Variants in CABP1 observed in about 807,000 individuals in gnomAD.
The protein encoded by CABP1 is calcium-binding protein 1.
A neutral mutation model predicts 34.3 loss-of-function variants in CABP1; 17 were observed. That is an observed-to-expected ratio of 0.50 (90% CI 0.34 to 0.74). The LOEUF (loss-of-function observed/expected upper bound fraction) is 0.74. CABP1 is among the 30% of genes least tolerant of loss of function. CABP1 has a pLI of 0.01. For missense variants in CABP1, 373 were observed against 511.1 expected (o/e 0.73, Z 2.61); for synonymous variants, 198 against 229.2 (o/e 0.86, Z 1.23).
At chr12:120,666,417 T>G (rs1363179740) in intron 5 of CABP1, among the ~76,000 whole-genome samples, 1 of 139,040 alleles carries the variant, frequency 7.2e-6, no homozygotes, top group African/African-American at 2.7e-5. Flanking sequence ...GAGGCTTCAG[T>G]GAGCTGAGAT....
chr12:120,645,544 G>A (rs1879506744), intron 1 of CABP1, among the ~76,000 whole-genome samples: 1 of 152,074 alleles, frequency 6.6e-6, no homozygotes, highest in African/African-American at 2.4e-5. Context: ...AATGAGGAAG[G>A]CTTGGCCAGG....
the CABP1 span, among the ~76,000 whole-genome samples, chr12:120,676,521 G>A: frequency 2.0e-5 from 3 of 151,840 alleles, no homozygotes; most frequent in African/African-American, 7.3e-5. Context: ...TCCGCCTCCC[G>A]GGTTGAAGCG....
intron 1 of CABP1, among the ~76,000 whole-genome samples, chr12:120,643,323 C>A (rs537252985): frequency 2.6e-5 from 4 of 152,298 alleles, no homozygotes; most frequent in South Asian, 2.1e-4. Context: ...AACAGCAAAC[C>A]CAGGCTGGGA....
intron 1 of CABP1, chr12:120,650,701 C>T: frequency 6.2e-7 from 1 of 1,612,818 alleles, no homozygotes; most frequent in Non-Finnish European, 8.5e-7. Context: ...TTGGAGTTTC[C>T]AAGATCTGGG....
At chr12:120,666,739 A>T in intron 5 of CABP1, 136 bp from the exon 6 acceptor site, 1 of 913,166 alleles carries the variant, frequency 1.1e-6, no homozygotes, top group Non-Finnish European at 1.7e-6. Flanking sequence ...TGCTGTGTCC[A>T]TGGATTGGAG....
At chr12:120,669,753 G>GA (rs11300854), downstream of CABP1, among the ~76,000 whole-genome samples, 128 of 141,744 alleles carry the variant, frequency 9.0e-4, 1 homozygote, top group Middle Eastern at 3.6e-3. Context: ...GACTCTGTCT[G>GA]AAAAAAAAAA....
the CABP1 span, among the ~76,000 whole-genome samples, chr12:120,677,313 C>G: frequency 5.3e-5 from 8 of 151,516 alleles, no homozygotes; most frequent in Non-Finnish European, 1.2e-4. Context: ...GTCTTGAACT[C>G]CTGACCTCAA....
downstream of CABP1, among the ~76,000 whole-genome samples, chr12:120,669,103 G>A (rs552499924): frequency 1.3e-5 from 2 of 152,258 alleles, no homozygotes; most frequent in African/African-American, 4.8e-5. Context: ...CGGGGTTGAT[G>A]GCTGGGGGTG....
At chr12:120,663,972 A>G (rs546772645) in intron 5 of CABP1, among the ~76,000 whole-genome samples, 3 of 152,376 alleles carry the variant, frequency 2.0e-5, no homozygotes, top group African/African-American at 7.2e-5. Context: ...GTGAGTGTCC[A>G]GAACACAAAG....
downstream of CABP1, among the ~76,000 whole-genome samples, chr12:120,671,275 C>T (rs537418125): frequency 1.2e-4 from 19 of 152,226 alleles, no homozygotes; most frequent in Non-Finnish European, 2.2e-4. Flanking sequence ...CATGGTGGTG[C>T]GCGCCTGCAA....
At chr12:120,677,571 A>AT in the CABP1 span, among the ~76,000 whole-genome samples, 1 of 150,346 alleles carries the variant, frequency 6.7e-6, no homozygotes, top group Non-Finnish European at 1.5e-5. Flanking sequence ...TATTGTTTTT[A>AT]TTTTTTGTAG....
In CABP1 at chr12:120,649,321, C is replaced by G. The variant is rs150807421; in HGVS notation, c.654+7982C>G. 1.7e-3 allele frequency among the ~76,000 whole-genome samples: 253 copies of G among 152,306 alleles called. 1 individual carries two copies. Among genetic ancestry groups the G allele is most frequent in the African/African-American group, 5.9e-3 (244 of 41,560 alleles). On this transcript the variant is annotated intron_variant, in intron 1 of 5. Transcript: ENST00000316803. Reference sequence around the variant, plus strand: ...CTCTCCGGGCTGAAAACTGAGCTAGCGTGCAAGAATGGGCTTGGGAGGAGT... The same window carrying G: ...CTCTCCGGGCTGAAAACTGAGCTAGGGTGCAAGAATGGGCTTGGGAGGAGT...
intron 1 of CABP1, chr12:120,655,764 T>C: frequency 6.8e-7 from 1 of 1,479,036 alleles, no homozygotes; most frequent in South Asian, 1.3e-5. Context: ...AGCCCCCCGC[T>C]GCCCCTGTCT....
intron 5 of CABP1, among the ~76,000 whole-genome samples, chr12:120,663,993 T>G (rs185453262): frequency 1.1e-4 from 17 of 152,322 alleles, no homozygotes; most frequent in African/African-American, 3.8e-4. Flanking sequence ...GCTGGGAGGT[T>G]TTCTCTCAGG....
rs898640883 is a variant in CABP1 at position 120,641,869 on chromosome 12, G to A, written c.654+530G>A. Reference sequence around the variant, plus strand: ...AAAGTTAGGAGATCCAAAAATATGAGGAAAGAGAAGAGGTGTCTGGGTAGG... The same window carrying A: ...AAAGTTAGGAGATCCAAAAATATGAAGAAAGAGAAGAGGTGTCTGGGTAGG... On this transcript the variant is annotated intron_variant, in intron 1 of 5. Coordinates refer to ENST00000316803, the MANE Select transcript of CABP1 (RefSeq NM_001033677.2). This position sits in a 1 kb window ranked among gnomAD's most constrained non-coding sequence, Gnocchi z 6.7. 8.5e-5 allele frequency among the ~76,000 whole-genome samples: 13 copies of A among 152,200 alleles called. No homozygotes were observed. The highest frequency in any genetic ancestry group is 3.1e-4 in the African/African-American group (13 of 41,450).
At chr12:120,669,481 C>T (rs891342308), downstream of CABP1, among the ~76,000 whole-genome samples, 2 of 152,178 alleles carry the variant, frequency 1.3e-5, no homozygotes, top group Non-Finnish European at 2.9e-5. Context: ...CCAGGAACAC[C>T]ACTCAGGATA....
intron 5 of CABP1, among the ~76,000 whole-genome samples, chr12:120,664,880 GAAA>G (rs77147570): frequency 8.3e-6 from 1 of 120,538 alleles, no homozygotes; most frequent in Non-Finnish European, 1.8e-5. Context: ...GTCTCAAAAA[GAAA>G]AAAAAAAAAG....
chr12:120,651,472 G>A (rs77897505), intron 1 of CABP1, among the ~76,000 whole-genome samples: 2,492 of 152,246 alleles, frequency 0.016, 31 homozygotes, highest in Non-Finnish European at 0.026. Flanking sequence ...TGGGCTCTGC[G>A]TATTTTTCTA....
chr12:120,647,369 C>G (rs1879585694), intron 1 of CABP1, among the ~76,000 whole-genome samples: 1 of 144,926 alleles, frequency 6.9e-6, no homozygotes. Context: ...CACATGGTTA[C>G]TGAGCAGCAG....
Sources: allele counts gnomAD v4.1 joint callset (sites outside exome capture counted in the v4.1 genomes callset), GRCh38; gene constraint gnomAD v4.1.1; non-coding constraint Gnocchi (gnomAD v3.1); transcripts MANE v1.5; gene names NCBI Gene and HGNC (gene_info 2026-07-23, HGNC 2026-07-21).